The following RANBP2 variants were observed in gnomAD, a reference collection of about 807,000 sequenced individuals.
RANBP2 encodes RAN binding protein 2.
Under a neutral mutation model 303.6 loss-of-function variants are expected in RANBP2, and 57 were observed. That is an observed-to-expected ratio of 0.19 (90% CI 0.15 to 0.23). The LOEUF (loss-of-function observed/expected upper bound fraction) is 0.23, where lower values mean the gene tolerates loss of function less well. RANBP2 is among the 10% of genes least tolerant of loss of function. The probability of loss-of-function intolerance (pLI) is 1.00; values close to 1 mark genes in which losing one functional copy is unlikely to be tolerated. For missense variants in RANBP2, 3,138 were observed against 3,780.8 expected, an observed-to-expected ratio of 0.83 and a Z score of 4.46; for synonymous variants, 1,167 against 1,301.5, an observed-to-expected ratio of 0.90 and a Z score of 2.23.
At chr2:109,164,668 A>G in the RANBP2 span, among the ~76,000 whole-genome samples, 1 of 152,220 alleles carries the variant, frequency 6.6e-6, no homozygotes, top group Non-Finnish European at 1.5e-5. Context: ...ACTTACTTGT[A>G]TCAACTGCCA....
chr2:109,249,945 A>G, the RANBP2 span, among the ~76,000 whole-genome samples: 1 of 151,942 alleles, frequency 6.6e-6, no homozygotes, highest in Non-Finnish European at 1.5e-5. Flanking sequence ...TGGCCTCCCA[A>G]AGTGCTGGGA....
At chr2:109,392,164 C>T in the RANBP2 span, among the ~76,000 whole-genome samples, 1 of 152,192 alleles carries the variant, frequency 6.6e-6, no homozygotes, top group Non-Finnish European at 1.5e-5. Context: ...CTAAAATGTA[C>T]CCAACCCATT....
chr2:109,295,340 A>G, the RANBP2 span, among the ~76,000 whole-genome samples: 1 of 152,188 alleles, frequency 6.6e-6, no homozygotes, highest in African/African-American at 2.4e-5. Context: ...AGGTTAAACA[A>G]TTGCTCAAGT....
chr2:109,513,544 TACAC>T, the RANBP2 span, among the ~76,000 whole-genome samples: 1 of 143,086 alleles, frequency 7.0e-6, no homozygotes. Flanking sequence ...TATATGCACA[TACAC>T]ACACACTGCA....
chr2:108,748,374 A>ATT (rs34247750), intron 8 of RANBP2, among the ~76,000 whole-genome samples: 3 of 130,748 alleles, frequency 2.3e-5, no homozygotes, highest in Admixed American at 7.7e-5. Context: ...GGGCCGGCTA[A>ATT]TTTTTTTTTT....
At chr2:109,081,205 T>C in the RANBP2 span, among the ~76,000 whole-genome samples, 1 of 152,210 alleles carries the variant, frequency 6.6e-6, no homozygotes, top group Non-Finnish European at 1.5e-5. Context: ...ACTTGTTTCT[T>C]TTTGCTTTTT....
chr2:109,406,834 C>T, the RANBP2 span, among the ~76,000 whole-genome samples: 7,465 of 152,190 alleles, frequency 0.049, 339 homozygotes, highest in African/African-American at 0.11. Flanking sequence ...TCTGCTCATG[C>T]GCATTTCAGT....
chr2:109,163,832 T>C, the RANBP2 span, among the ~76,000 whole-genome samples: 1 of 152,180 alleles, frequency 6.6e-6, no homozygotes, highest in Non-Finnish European at 1.5e-5. Flanking sequence ...AAACAATGTG[T>C]TTTCCATGAT....
the RANBP2 span, among the ~76,000 whole-genome samples, chr2:109,208,680 C>G: frequency 7.9e-6 from 1 of 127,322 alleles, no homozygotes; most frequent in African/African-American, 3.5e-5. Context: ...CAATAGATAA[C>G]CAGAATACTG....
the RANBP2 span, among the ~76,000 whole-genome samples, chr2:108,875,336 A>T: frequency 8.0e-6 from 1 of 124,604 alleles, no homozygotes; most frequent in Non-Finnish European, 1.6e-5. Flanking sequence ...AAAAAAAAAA[A>T]GAAACAAATT....
chr2:109,601,972 C>G, the RANBP2 span, among the ~76,000 whole-genome samples: 1 of 152,118 alleles, frequency 6.6e-6, no homozygotes, highest in Non-Finnish European at 1.5e-5. Flanking sequence ...GAGGGAAAAA[C>G]CAGGACCCAT....
the RANBP2 span, among the ~76,000 whole-genome samples, chr2:109,053,339 C>T: frequency 6.6e-6 from 1 of 152,216 alleles, no homozygotes; most frequent in Non-Finnish European, 1.5e-5. Context: ...CTTTTTCTTG[C>T]TTGTAGTTCT....
At chr2:108,946,879 T>A in the RANBP2 span, among the ~76,000 whole-genome samples, 2 of 145,616 alleles carry the variant, frequency 1.4e-5, no homozygotes, top group African/African-American at 5.3e-5. Flanking sequence ...CCGCCCCTGG[T>A]CCCTCCCAAA....
the RANBP2 span, among the ~76,000 whole-genome samples, chr2:108,831,746 T>TTCCTTCCTTC: frequency 7.2e-6 from 1 of 139,574 alleles, no homozygotes; most frequent in African/African-American, 2.5e-5. Context: ...CCGTCCTTCC[T>TTCCTTCCTTC]GTTGAAACGA....
At chr2:108,879,272 TAC>T in the RANBP2 span, among the ~76,000 whole-genome samples, 2 of 152,356 alleles carry the variant, frequency 1.3e-5, no homozygotes, top group East Asian at 3.9e-4. Flanking sequence ...GTGCCTAGCC[TAC>T]AGTCTTTTAT....
chr2:109,585,340 C>T, the RANBP2 span: 1 of 1,571,734 alleles, frequency 6.4e-7, no homozygotes, highest in Non-Finnish European at 8.7e-7. Flanking sequence ...CACAAAGGTA[C>T]ATCTTTATGG....
At chr2:109,630,927 G>C in the RANBP2 span, among the ~76,000 whole-genome samples, 1 of 152,064 alleles carries the variant, frequency 6.6e-6, no homozygotes, top group Non-Finnish European at 1.5e-5. Context: ...TTAACTGGGC[G>C]TGGTGGCAGG....
At chr2:109,483,187 C>T in the RANBP2 span, among the ~76,000 whole-genome samples, 1 of 152,230 alleles carries the variant, frequency 6.6e-6, no homozygotes, top group African/African-American at 2.4e-5. Context: ...CTTTTAATTA[C>T]CTTTTCCCCA....
the RANBP2 span, among the ~76,000 whole-genome samples, chr2:108,956,795 T>C: frequency 6.6e-6 from 1 of 152,088 alleles, no homozygotes; most frequent in Admixed American, 6.5e-5. Context: ...TTTTTTTTTT[T>C]GTTTTTTTTG....
Sources: gnomAD v4.1 joint callset for allele counts (sites outside exome capture counted in the v4.1 genomes callset) on GRCh38, gnomAD v4.1.1 for gene constraint, MANE v1.5 for transcripts, NCBI Gene and HGNC (gene_info 2026-07-23, HGNC 2026-07-21) for gene names.